RBL1: variants seen among roughly 807,000 people sequenced by gnomAD.
RBL1 encodes the protein RB transcriptional corepressor like 1.
A neutral mutation model predicts 123.0 loss-of-function variants in RBL1; 82 were observed. That is an observed-to-expected ratio of 0.67 (90% CI 0.56 to 0.80). The LOEUF (loss-of-function observed/expected upper bound fraction) is 0.80. Ranked by LOEUF, RBL1 falls within the 30% of genes least tolerant of loss-of-function variation. RBL1 has a pLI of 0.00. For missense variants in RBL1, 1,171 were observed against 1,299.6 expected (o/e 0.90, Z 1.52); for synonymous variants, 405 against 441.3 (o/e 0.92, Z 1.03).
At chr20:37,094,137 T>A (rs540532756) in intron 1 of RBL1, among the ~76,000 whole-genome samples, 8 of 152,140 alleles carry the variant, frequency 5.3e-5, no homozygotes, top group Non-Finnish European at 1.2e-4. Context: ...ACTTGTCATA[T>A]TCAAGAATCT....
chr20:37,004,714 C>CAAAA (rs11361452), intron 20 of RBL1, among the ~76,000 whole-genome samples: 1 of 72,516 alleles, frequency 1.4e-5, no homozygotes, highest in Non-Finnish European at 2.5e-5. Context: ...GACTCTGCCT[C>CAAAA]AAAAAAAAAA....
intron 18 of RBL1, among the ~76,000 whole-genome samples, chr20:37,019,261 A>G (rs892956798): frequency 2.0e-5 from 3 of 151,786 alleles, no homozygotes; most frequent in Non-Finnish European, 2.9e-5. Context: ...GCCCATTCCC[A>G]TCTCCTTTCA....
intron 19 of RBL1, among the ~76,000 whole-genome samples, chr20:37,015,214 C>A (rs888003155): frequency 6.6e-6 from 1 of 152,016 alleles, no homozygotes; most frequent in South Asian, 2.1e-4. Context: ...AAAACGACAT[C>A]GTCTATTATC....
intron 13 of RBL1, among the ~76,000 whole-genome samples, chr20:37,042,009 C>T (rs2064735624): frequency 6.9e-6 from 1 of 144,252 alleles, no homozygotes; most frequent in African/African-American, 2.5e-5. Context: ...GGAGGTGGAG[C>T]TTGCAGTGAG....
intron 2 of RBL1, among the ~76,000 whole-genome samples, chr20:37,078,337 T>A (rs1377707511): frequency 6.6e-6 from 1 of 152,248 alleles, no homozygotes; most frequent in African/African-American, 2.4e-5. Flanking sequence ...TCACTAGTTT[T>A]AATATCCATT....
chr20:37,001,918 T>TAA (rs757774894), intron 21 of RBL1, among the ~76,000 whole-genome samples: 115 of 86,484 alleles, frequency 1.3e-3, no homozygotes, highest in African/African-American at 2.2e-3. Context: ...TGCAGAACAA[T>TAA]AAAAAAAAAA....
chr20:37,092,699 C>T (rs1484802671), intron 1 of RBL1, among the ~76,000 whole-genome samples: 1 of 151,864 alleles, frequency 6.6e-6, no homozygotes, highest in Non-Finnish European at 1.5e-5. Flanking sequence ...ACTATGTTGC[C>T]CAGGCTGGTC....
chr20:37,093,875 AGG>A, intron 1 of RBL1, among the ~76,000 whole-genome samples: 1 of 152,090 alleles, frequency 6.6e-6, no homozygotes, highest in Non-Finnish European at 1.5e-5. Context: ...CCCTGACCTA[AGG>A]TGATCTGCCC....
chr20:37,095,704 A>G (rs2065724795), intron 1 of RBL1, 69 bp downstream of exon 1: 1 of 1,407,538 alleles, frequency 7.1e-7, no homozygotes. Flanking sequence ...CCATAGGCCG[A>G]GGAAGGGGCG....
rs2065606058 is a variant in RBL1, at chr20:37,089,141, A to G, written c.157-19T>C. 2 of 1,581,358 alleles carry G rather than the reference A, an allele frequency of 1.3e-6. No individual in the cohort carries two copies. Among genetic ancestry groups the G allele is most frequent in the Non-Finnish European group, 8.6e-7 (1 of 1,160,704 alleles). Reference sequence around the variant, plus strand: ...CTTCTCCCTGGCAAGCAAAAGACAAACAGCAAAACAGGTATAATATTATGT... The same window carrying G: ...CTTCTCCCTGGCAAGCAAAAGACAAGCAGCAAAACAGGTATAATATTATGT... On this transcript the variant is annotated intron_variant, in intron 1 of 21. Transcript: ENST00000373664.
intron 9 of RBL1, among the ~76,000 whole-genome samples, chr20:37,058,602 G>A (rs540520357): frequency 1.3e-4 from 19 of 151,406 alleles, no homozygotes; most frequent in South Asian, 2.1e-4. Context: ...ATGAGGTGTC[G>A]CTATGTTGCC....
chr20:37,077,919 G>A (rs765564196), intron 2 of RBL1, among the ~76,000 whole-genome samples: 7 of 151,748 alleles, frequency 4.6e-5, no homozygotes, highest in Admixed American at 2.0e-4. Flanking sequence ...ATGTTCTTTC[G>A]GAGCAATTTT....
chr20:37,083,513 G>A (rs1157634231), intron 2 of RBL1, among the ~76,000 whole-genome samples: 2 of 150,786 alleles, frequency 1.3e-5, no homozygotes, highest in Admixed American at 6.7e-5. Context: ...CAGGCTGGGC[G>A]CGGTGGCTCA....
rs764119167 is a variant in RBL1, at chr20:37,062,192, G to A, written c.975C>T (p.Asp325=). ...DFDERIFLGA[D]AEEEIGTPRK... is the part of the protein sequence containing the mutation. ...GAGGTGTTCCAATTTCCTCTTCTGC[G>A]TCTGCTCCCAAAAAGATCCTCTCAT... Residue 325 remains aspartate, a synonymous_variant, in exon 8 of 22, where the codon GAC becomes GAT. Coordinates refer to ENST00000373664, the MANE Select transcript of RBL1 (RefSeq NM_002895.5). 19 of 1,613,996 alleles carry A rather than the reference G, an allele frequency of 1.2e-5. No homozygotes were observed. The highest frequency in any genetic ancestry group is 1.6e-4 in the Middle Eastern group (1 of 6,084).
chr20:37,013,585 T>TAA lies in RBL1; in HGVS notation c.2722+4692_2722+4693dup, dbSNP rs5841249. Among the ~76,000 whole-genome samples, 699 of 101,362 alleles carry TAA rather than the reference T, an allele frequency of 6.9e-3. 7 individuals are homozygous for TAA. The highest frequency in any genetic ancestry group is 0.049 in the East Asian group (125 of 2,530). 66.5% of individuals were successfully genotyped at this position (101,362 alleles called of 152,430 possible). A position where few individuals can be genotyped will look rare whatever the true frequency, so the allele number is the denominator to read the frequency against. ...GCGAGAAACACCCAAGAATGATCAA[T>TAA]AAAAAAAAAAAAAAAAAAAATTTGA... On this transcript the variant is annotated intron_variant, in intron 19 of 21. Coordinates refer to ENST00000373664, the MANE Select transcript of RBL1 (RefSeq NM_002895.5).
intron 18 of RBL1, among the ~76,000 whole-genome samples, chr20:37,020,380 C>A (rs1458991598): frequency 1.3e-5 from 2 of 152,078 alleles, no homozygotes; most frequent in African/African-American, 4.8e-5. Flanking sequence ...TGAGACACCG[C>A]ACCCAGCCAT....
At chr20:37,056,436 C>T (rs1274433921) in intron 9 of RBL1, among the ~76,000 whole-genome samples, 178 bp from the exon 10 acceptor site, 1 of 146,636 alleles carries the variant, frequency 6.8e-6, no homozygotes, top group Non-Finnish European at 1.5e-5. Flanking sequence ...TTCACTGCAA[C>T]CTCTTCCTCC....
intron 2 of RBL1, among the ~76,000 whole-genome samples, chr20:37,073,625 G>A (rs1165270577): frequency 6.9e-6 from 1 of 145,670 alleles, no homozygotes; most frequent in African/African-American, 2.6e-5. Flanking sequence ...TTGAGCCCAG[G>A]AGGTCAAGGC....
At chr20:37,082,293 G>A (rs2065465607) in intron 2 of RBL1, among the ~76,000 whole-genome samples, 1 of 152,144 alleles carries the variant, frequency 6.6e-6, no homozygotes. Flanking sequence ...GAGCTGGGCT[G>A]GACTAACAGC....
Sources: allele counts gnomAD v4.1 joint callset (sites outside exome capture counted in the v4.1 genomes callset), GRCh38; gene constraint gnomAD v4.1.1; transcripts MANE v1.5; gene names NCBI Gene and HGNC (gene_info 2026-07-23, HGNC 2026-07-21).